Variants in CDK6 observed in about 807,000 individuals in gnomAD.
CDK6 encodes the protein cyclin-dependent kinase 6.
Under a neutral mutation model 37.1 loss-of-function variants are expected in CDK6, and 6 were observed. The observed-to-expected ratio is 0.16, with a 90% CI of 0.09 to 0.32. CDK6 has a LOEUF of 0.32. CDK6 is among the 10% of genes least tolerant of loss of function. The pLI is 1.00. For missense variants in CDK6, 224 were observed against 418.9 expected, an observed-to-expected ratio of 0.53 and a Z score of 4.06; for synonymous variants, 160 against 161.3, an observed-to-expected ratio of 0.99 and a Z score of 0.06.
intron 5 of CDK6, among the ~76,000 whole-genome samples, chr7:92,644,848 GTCA>G (rs1405302964): frequency 6.6e-6 from 1 of 152,178 alleles, no homozygotes; most frequent in Non-Finnish European, 1.5e-5. Context: ...GACCGAAGCT[GTCA>G]CCACCCCAGG....
In CDK6 at chr7:92,611,800, A is replaced by G. The variant is rs765456689; in HGVS notation, c.*3340T>C. The G allele has an allele frequency of 2.6e-5, 6 of 231,102 alleles. No individual in the cohort carries two copies. Among genetic ancestry groups the G allele is most frequent in the Non-Finnish European group, 3.4e-5 (4 of 116,812 alleles). 14.3% of individuals were successfully genotyped at this position (231,102 alleles called of 1,614,324 possible). On this transcript the variant is annotated 3_prime_UTR_variant, in exon 8 of 8. Transcript: ENST00000424848. ...AACACAATGCTGAGATTCTATTCTT[A>G]GGTGAATAATTTTCAACTATTTTTA...
intron 3 of CDK6, among the ~76,000 whole-genome samples, chr7:92,736,353 C>T (rs1297839915): frequency 1.3e-5 from 2 of 152,006 alleles, no homozygotes; most frequent in African/African-American, 2.4e-5. Flanking sequence ...TGATGCTACA[C>T]GGAAGCACCT....
At chr7:92,673,810 C>CTCTGTTGCCCAGG (rs1374605611) in intron 4 of CDK6, among the ~76,000 whole-genome samples, 1 of 151,258 alleles carries the variant, frequency 6.6e-6, no homozygotes, top group Non-Finnish European at 1.5e-5. Flanking sequence ...TGGAGTCTTG[C>CTCTGTTGCCCAGG]TCTGTTGCCC....
At chr7:92,748,458 T>C (rs1252153803) in intron 3 of CDK6, among the ~76,000 whole-genome samples, 1 of 152,212 alleles carries the variant, frequency 6.6e-6, no homozygotes, top group Non-Finnish European at 1.5e-5. Context: ...GAAAAGCACA[T>C]GGACGTAACT....
chr7:92,764,352 T>G (rs1263993652), intron 3 of CDK6, among the ~76,000 whole-genome samples: 2 of 152,152 alleles, frequency 1.3e-5, no homozygotes, highest in Admixed American at 1.3e-4. Flanking sequence ...TTTTGCCATA[T>G]TGTTGAATTC....
rs1801530859 is a variant in CDK6 at position 92,833,000 on chromosome 7, C to A, written c.233+91G>T. On this transcript the variant is annotated intron_variant, in intron 2 of 7. Coordinates refer to ENST00000424848, the MANE Select transcript of CDK6 (RefSeq NM_001145306.2). ...GCAGGACCTCCCCAGTCGCCCTCTG[C>A]CCCGCACCTTTCTGGGCCTGAGGAT... is the stretch of plus-strand genomic sequence containing the variant. The A allele has an allele frequency of 4.4e-6, 4 of 909,794 alleles. No homozygotes were observed. The East Asian group carries it at 1.1e-4, about 24-fold the overall frequency. 56.4% of individuals were successfully genotyped at this position (909,794 alleles called of 1,614,324 possible).
intron 3 of CDK6, among the ~76,000 whole-genome samples, chr7:92,756,147 C>A (rs1799314019): frequency 6.9e-6 from 1 of 144,464 alleles, no homozygotes. Flanking sequence ...TGAATAGAGG[C>A]ATGTAAAATT....
intron 4 of CDK6, among the ~76,000 whole-genome samples, chr7:92,722,472 T>C (rs1264031147): frequency 1.3e-5 from 2 of 152,198 alleles, no homozygotes; most frequent in African/African-American, 4.8e-5. Flanking sequence ...TTGCGTCAAC[T>C]TTTCACTCCT....
chr7:92,828,124 TTAAC>T (rs1402736609), intron 2 of CDK6, among the ~76,000 whole-genome samples: 1 of 152,066 alleles, frequency 6.6e-6, no homozygotes, highest in Non-Finnish European at 1.5e-5. Flanking sequence ...GTATCATCAT[TTAAC>T]TATAGCTATT....
intron 2 of CDK6, among the ~76,000 whole-genome samples, chr7:92,830,387 T>A (rs1171679277): frequency 6.6e-6 from 1 of 152,200 alleles, no homozygotes; most frequent in African/African-American, 2.4e-5. Context: ...GAGGCTTAAC[T>A]ATCTGTGGGG....
intron 3 of CDK6, among the ~76,000 whole-genome samples, chr7:92,764,754 C>T (rs1303653178): frequency 6.6e-6 from 1 of 152,182 alleles, no homozygotes; most frequent in African/African-American, 2.4e-5. Flanking sequence ...CATATTCATT[C>T]AACAATTACT....
chr7:92,796,207 T>A (rs1214749401), intron 2 of CDK6, among the ~76,000 whole-genome samples: 1 of 151,722 alleles, frequency 6.6e-6, no homozygotes, highest in East Asian at 1.9e-4. Context: ...AATAAATATA[T>A]ATTTATACAA....
intron 4 of CDK6, among the ~76,000 whole-genome samples, chr7:92,717,524 G>C (rs1017024528): frequency 6.6e-6 from 1 of 151,672 alleles, no homozygotes; most frequent in Non-Finnish European, 1.5e-5. Flanking sequence ...AGAAAGAAAA[G>C]AAAAAGAAAG....
intron 5 of CDK6, among the ~76,000 whole-genome samples, chr7:92,670,981 C>T (rs1306442763): frequency 2.0e-5 from 3 of 152,192 alleles, no homozygotes; most frequent in Non-Finnish European, 4.4e-5. Flanking sequence ...TCCCCACTGC[C>T]TATTCTTTTT....
At chr7:92,702,217 A>ATTTTTTTTTTTTTT (rs1562940434) in intron 4 of CDK6, among the ~76,000 whole-genome samples, 1 of 49,866 alleles carries the variant, frequency 2.0e-5, no homozygotes, top group African/African-American at 6.9e-5. Context: ...TATCAAGTAT[A>ATTTTTTTTTTTTTT]TTCTTTTTTT....
At position 92,643,196 on chromosome 7, in the gene CDK6, G is replaced by A. The variant is rs1796355756; in HGVS notation, c.648-20110C>T. Among the ~76,000 whole-genome samples, 4 of 152,128 alleles carry A rather than the reference G, an allele frequency of 2.6e-5. No individual in the cohort carries two copies. In the South Asian group the frequency reaches 8.3e-4, roughly 32 times the overall value. Reference sequence around the variant, plus strand: ...GCCACCACGCCCGGCCAAATCCCGGGTTTTAAAAAATACAAATGAACTAAT... The same window carrying A: ...GCCACCACGCCCGGCCAAATCCCGGATTTTAAAAAATACAAATGAACTAAT... On this transcript the variant is annotated intron_variant, in intron 5 of 7. Coordinates refer to ENST00000424848, the MANE Select transcript of CDK6 (RefSeq NM_001145306.2).
At chr7:92,713,046 A>G (rs554074769) in intron 4 of CDK6, among the ~76,000 whole-genome samples, 1 of 152,156 alleles carries the variant, frequency 6.6e-6, no homozygotes, top group Admixed American at 6.6e-5. Flanking sequence ...TTTTCAGTAG[A>G]GACGGGGTTT....
rs764976326 is a variant in CDK6 at position 92,610,462 on chromosome 7, C to T, written c.*4678G>A. On this transcript the variant is annotated 3_prime_UTR_variant, in exon 8 of 8. Transcript: ENST00000424848. ...GAAAAAAACGTGTAAAAATTGGACC[C>T]CTTCTGTTTTTACATTTCTGTTGCT... 1.2e-3 allele frequency: 276 copies of T among 230,766 alleles called. No individual in the cohort carries two copies. Among genetic ancestry groups the T allele is most frequent in the Non-Finnish European group, 1.8e-3 (213 of 116,648 alleles). The allele number at this position is 230,766 out of a possible 1,614,324, so 14.3% of individuals were successfully genotyped here. A position where few individuals can be genotyped will look rare whatever the true frequency, so the allele number is the denominator to read the frequency against.
chr7:92,729,658 C>T (rs895903491), intron 3 of CDK6, among the ~76,000 whole-genome samples: 2 of 152,178 alleles, frequency 1.3e-5, no homozygotes, highest in Non-Finnish European at 2.9e-5. Flanking sequence ...GAGCTCTAAT[C>T]CTCTTATTTA....
Sources: gnomAD v4.1 joint callset for allele counts (sites outside exome capture counted in the v4.1 genomes callset) on GRCh38, gnomAD v4.1.1 for gene constraint, MANE v1.5 for transcripts, NCBI Gene and HGNC (gene_info 2026-07-23, HGNC 2026-07-21) for gene names.